UTP20: variants seen among roughly 807,000 people sequenced by gnomAD.
The protein encoded by UTP20 is UTP20 small subunit processome component.
UTP20 carries 164 observed loss-of-function variants against 329.5 expected under a neutral mutation model. That is an observed-to-expected ratio of 0.50 (90% CI 0.44 to 0.57). The LOEUF is 0.57. UTP20 is among the 20% of genes least tolerant of loss of function. The pLI is 0.00. For synonymous variants in UTP20, 1,151 were observed against 1,159.3 expected (o/e 0.99, Z 0.14); for missense variants, 3,055 against 3,284.2 (o/e 0.93, Z 1.71).
rs778291360 is a variant in UTP20, at chr12:101,333,409, A to G, written c.3526A>G (p.Ile1176Val). ...ATCATATCAGTTTAGAACAGAAGAA[A>G]TTGATGCTGTGTTTCATGGTGCAGT... ...WESYQFRTEE[I>V]DAVFHGAVWP... Residue 1176 changes from isoleucine to valine, a missense_variant, in exon 28 of 62, where the codon ATT becomes GTT. By Grantham distance (29) the Ile-to-Val change is conservative. Coordinates refer to ENST00000261637, the MANE Select transcript of UTP20 (RefSeq NM_014503.3). The G allele has an allele frequency of 6.8e-6, 11 of 1,613,922 alleles. No homozygotes were observed. In the South Asian group the frequency reaches 1.1e-4, roughly 16 times the overall value.
At chr12:101,366,297 G>A (rs907072814) in intron 46 of UTP20, among the ~76,000 whole-genome samples, 1 of 152,100 alleles carries the variant, frequency 6.6e-6, no homozygotes, top group Non-Finnish European at 1.5e-5. Context: ...AGAGAGACTC[G>A]TTGGCATTTA....
chr12:101,362,287 C>T (rs566897468), intron 44 of UTP20, among the ~76,000 whole-genome samples: 1 of 152,256 alleles, frequency 6.6e-6, no homozygotes, highest in East Asian at 1.9e-4. Flanking sequence ...AGTAAGTTGC[C>T]ATTTTGTATC....
chr12:101,346,205 C>T (rs1222022377), intron 37 of UTP20, among the ~76,000 whole-genome samples: 1 of 152,144 alleles, frequency 6.6e-6, no homozygotes, highest in Non-Finnish European at 1.5e-5. Flanking sequence ...GCATGCACCA[C>T]CACACCCAGC....
At position 101,281,174 on chromosome 12, in the gene UTP20, A is replaced by T; in HGVS notation, c.104A>T (p.Asp35Val). The part of the protein sequence containing the change: ...NVNIDIIHRI[D>V]RTASYEEEVE... ...AATATTGATATTATTCACCGGATTG[A>T]TAGAACTGCAAGCTATGAGGAGGTA... Residue 35 changes from aspartate (D) to valine (V), a missense_variant, in exon 2 of 62, where the codon GAT becomes GTT. Around this residue, in one of 3 missense-constraint regions of UTP20, gnomAD observed 2,445 missense variants for 2,575.5 expected, o/e 0.95. Transcript: ENST00000261637. 2 of 1,613,534 alleles carry T rather than the reference A, an allele frequency of 1.2e-6. No individual in the cohort carries two copies. The highest frequency in any genetic ancestry group is 1.7e-6 in the Non-Finnish European group (2 of 1,179,658).
chr12:101,296,668 A>G (rs1206898484), intron 12 of UTP20, among the ~76,000 whole-genome samples: 3 of 152,070 alleles, frequency 2.0e-5, no homozygotes, highest in Admixed American at 2.0e-4. Context: ...GAATGGCGTG[A>G]ACCCAGGAGG....
chr12:101,321,041 C>T (rs1868359863), intron 24 of UTP20, 104 bp downstream of exon 24: 1 of 1,043,032 alleles, frequency 9.6e-7, no homozygotes, highest in Non-Finnish European at 1.3e-6. Context: ...TAGAAAGTTT[C>T]CCTTTTTTCT....
intron 6 of UTP20, among the ~76,000 whole-genome samples, chr12:101,289,281 AC>A (rs1872060883): frequency 6.6e-6 from 1 of 152,022 alleles, no homozygotes; most frequent in East Asian, 1.9e-4. Flanking sequence ...GGAGGCTGAG[AC>A]ATGAGAATTG....
At chr12:101,320,575 A>G (rs1364884331) in intron 23 of UTP20, among the ~76,000 whole-genome samples, 1 of 151,602 alleles carries the variant, frequency 6.6e-6, no homozygotes, top group Non-Finnish European at 1.5e-5. Context: ...AGAGAAAGAG[A>G]GAGAGGATTG....
intron 21 of UTP20, among the ~76,000 whole-genome samples, chr12:101,312,883 T>C (rs1352161266): frequency 6.6e-6 from 1 of 152,216 alleles, no homozygotes; most frequent in African/African-American, 2.4e-5. Context: ...ACACCAGTGG[T>C]ATTAATAAAA....
intron 11 of UTP20, among the ~76,000 whole-genome samples, chr12:101,294,296 T>C (rs1023176803): frequency 6.6e-6 from 1 of 151,942 alleles, no homozygotes; most frequent in African/African-American, 2.4e-5. Flanking sequence ...CGGCCAGCTA[T>C]TTTTTTCTTA....
At chr12:101,375,514 G>A in intron 55 of UTP20, 110 bp from the exon 56 acceptor site, 1 of 1,087,050 alleles carries the variant, frequency 9.2e-7, no homozygotes. Context: ...ACAATGTCAG[G>A]AGTGCCGAGG....
intron 1 of UTP20, among the ~76,000 whole-genome samples, chr12:101,280,704 CT>C (rs1253413678): frequency 6.6e-6 from 1 of 152,200 alleles, no homozygotes; most frequent in African/African-American, 2.4e-5. Flanking sequence ...AGCGCTTTCT[CT>C]GTTTGCCCCT....
intron 15 of UTP20, 59 bp from the exon 16 acceptor site, chr12:101,305,856 T>C (rs2137247293): frequency 1.4e-6 from 2 of 1,430,994 alleles, no homozygotes; most frequent in Non-Finnish European, 9.2e-7. Context: ...GCTTATACTA[T>C]AGTCTAGATA....
chr12:101,365,607 T>C lies in UTP20; in HGVS notation c.6107T>C (p.Leu2036Pro). ...SYGLISENLP[L>P]LTEKEKNPVA... Reference sequence around the variant, plus strand: ...GGTTTGATCAGTGAAAATCTTCCCCTGTTAACAGAGAAAGAAAAGTAAGTT... The same window carrying C: ...GGTTTGATCAGTGAAAATCTTCCCCCGTTAACAGAGAAAGAAAAGTAAGTT... Residue 2036 changes from leucine to proline, a missense_variant, in exon 46 of 62, where the codon CTG becomes CCG. Around this residue, in one of 3 missense-constraint regions of UTP20, gnomAD observed 2,445 missense variants for 2,575.5 expected, o/e 0.95. Coordinates refer to ENST00000261637, the MANE Select transcript of UTP20 (RefSeq NM_014503.3). 2 of 1,567,476 alleles carry C rather than the reference T, an allele frequency of 1.3e-6. No individual in the cohort carries two copies. The highest frequency in any genetic ancestry group is 2.1e-5 in the Admixed American group (1 of 47,640).
At position 101,338,228 on chromosome 12, in the gene UTP20, C is replaced by G. The variant is rs1442219154; in HGVS notation, c.3819C>G (p.Asn1273Lys). 6.2e-7 allele frequency: 1 copy of G among 1,614,144 alleles called. No individual in the cohort carries two copies. The highest frequency in any genetic ancestry group is 1.7e-5 in the Admixed American group (1 of 60,012). Reference protein sequence around the residue: ...PDFEPTETVLNLLVTGCVYPG... With the variant: ...PDFEPTETVLKLLVTGCVYPG... ...TCGAGCCTACAGAAACAGTTTTGAACTTGCTGGTAACTGGATGTGTATACC... is the reference window on the plus strand; with the variant it reads ...TCGAGCCTACAGAAACAGTTTTGAAGTTGCTGGTAACTGGATGTGTATACC... The change falls in exon 30 of 62, where the codon AAC becomes AAG. Residue 1273 changes from asparagine (N) to lysine (K), a missense_variant. Asn to Lys is a moderately conservative substitution (Grantham distance 94). This residue lies in a region of UTP20 where 2,445 missense variants were observed against 2,575.5 expected (regional missense o/e 0.95). Transcript: ENST00000261637.
At chr12:101,315,177 G>T (rs1872932735) in intron 21 of UTP20, among the ~76,000 whole-genome samples, 1 of 151,642 alleles carries the variant, frequency 6.6e-6, no homozygotes, top group Non-Finnish European at 1.5e-5. Context: ...AATTGGTAAT[G>T]CAAGAAAGGA....
Position 101,310,577 on chromosome 12 carries a change from C to CAAAAAAAAAAAAA in UTP20, c.2231+747_2231+759dup, listed in dbSNP as rs549641642. Among the ~76,000 whole-genome samples, 106 of 44,312 alleles carry CAAAAAAAAAAAAA rather than the reference C, an allele frequency of 2.4e-3. 5 individuals are homozygous for CAAAAAAAAAAAAA. The highest frequency in any genetic ancestry group is 8.4e-3 in the East Asian group (9 of 1,074). The allele number at this position is 44,312 out of a possible 152,430, so 29.1% of individuals were successfully genotyped here. On this transcript the variant is annotated intron_variant, in intron 19 of 61. Transcript: ENST00000261637. ...GCAACAAGAGTGAAACTCTGTCTCC[C>CAAAAAAAAAAAAA]AAAAAAAAAAAAAAAAAAAAATACA...
rs1034418436 is a variant in UTP20 at position 101,321,601 on chromosome 12, C to T, written c.3013C>T (p.Arg1005Ter). The T allele has an allele frequency of 2.5e-6, 4 of 1,613,302 alleles. No individual in the cohort carries two copies. Among genetic ancestry groups the T allele is most frequent in the Non-Finnish European group, 3.4e-6 (4 of 1,179,688 alleles). The change falls in exon 25 of 62, where the codon CGA (arginine) becomes TGA (stop). Residue 1005 changes from arginine to a stop codon, truncating the protein, a stop_gained. Transcript: ENST00000261637. LOFTEE classifies it high-confidence loss of function. Reference sequence around the variant, plus strand: ...TAATGCTGTAGTGAAAACAGCCCACCGAGCAGATCTATTTCCTATTCTGAT... The same window carrying T: ...TAATGCTGTAGTGAAAACAGCCCACTGAGCAGATCTATTTCCTATTCTGAT... Reference protein sequence around the residue: ...EDNAVVKTAHRADLFPILMRI... With the variant: ...EDNAVVKTAH
intron 56 of UTP20, among the ~76,000 whole-genome samples, chr12:101,377,046 G>T (rs914764225): frequency 1.3e-5 from 2 of 152,172 alleles, no homozygotes; most frequent in Non-Finnish European, 2.9e-5. Context: ...CTCCCAAAGT[G>T]CTGGGATTAC....
Sources: gnomAD v4.1 joint callset for allele counts (sites outside exome capture counted in the v4.1 genomes callset) on GRCh38, gnomAD v4.1.1 for gene constraint, gnomAD v4.1.1 regional missense constraint, MANE v1.5 for transcripts, NCBI Gene and HGNC (gene_info 2026-07-23, HGNC 2026-07-21) for gene names.